EGFR: variants seen among roughly 807,000 people sequenced by gnomAD.
The protein encoded by EGFR is avian erythroblastic leukemia viral (v-erb-b) oncogene homolog.
A neutral mutation model predicts 143.0 loss-of-function variants in EGFR; 58 were observed. The ratio of observed to expected loss-of-function variants is 0.41; its 90% CI spans 0.33 to 0.50. The LOEUF (loss-of-function observed/expected upper bound fraction) is 0.50. EGFR is among the 20% of genes least tolerant of loss of function. The pLI, the probability that EGFR is intolerant of heterozygous loss-of-function variation, is 0.39. For synonymous variants in EGFR, 613 were observed against 594.4 expected, an observed-to-expected ratio of 1.03 and a Z score of -0.45; for missense variants, 1,307 against 1,579.0, an observed-to-expected ratio of 0.83 and a Z score of 2.92.
chr7:55,092,421 G>A (rs1227707313), intron 1 of EGFR, among the ~76,000 whole-genome samples: 2 of 152,148 alleles, frequency 1.3e-5, no homozygotes, highest in African/African-American at 2.4e-5. Flanking sequence ...CACTTAAGTG[G>A]CCACATTCAG....
chr7:55,165,397 G>C lies in EGFR; in HGVS notation c.1840G>C (p.Gly614Arg), dbSNP rs779076899. Residue 614 changes from glycine (G) to arginine (R), a missense_variant, in exon 15 of 28, where the codon GGC (glycine) becomes CGC (arginine). Transcript: ENST00000275493. ...NTLVWKYADA[G>R]HVCHLCHPNC... ...CCTGGTCTGGAAGTACGCAGACGCC[G>C]GCCATGTGTGCCACCTGTGCCATCC... is the stretch of plus-strand genomic sequence containing the variant. 1.2e-6 allele frequency: 2 copies of C among 1,613,990 alleles called. No individual in the cohort carries two copies. Among genetic ancestry groups the C allele is most frequent in the Non-Finnish European group, 1.7e-6 (2 of 1,180,000 alleles).
intron 1 of EGFR, among the ~76,000 whole-genome samples, chr7:55,092,290 A>G (rs6972246): frequency 0.88 from 134,631 of 152,196 alleles, 59,719 homozygotes; most frequent in East Asian, 0.97. Flanking sequence ...TGTATTTGAG[A>G]AGCCCAGGAG....
At chr7:55,096,297 C>G (rs746363581) in intron 1 of EGFR, among the ~76,000 whole-genome samples, 5 of 152,170 alleles carry the variant, frequency 3.3e-5, no homozygotes, top group Admixed American at 2.0e-4. Flanking sequence ...TTTTAATTCT[C>G]CGGTTGTGTT....
intron 1 of EGFR, among the ~76,000 whole-genome samples, chr7:55,087,837 G>A (rs1233552318): frequency 6.6e-6 from 1 of 152,146 alleles, no homozygotes; most frequent in Non-Finnish European, 1.5e-5. Context: ...CAGGAGCAAT[G>A]GCCTTCCCAC....
intron 1 of EGFR, among the ~76,000 whole-genome samples, chr7:55,063,325 T>G (rs981488633): frequency 2.0e-5 from 3 of 152,118 alleles, no homozygotes; most frequent in Admixed American, 2.0e-4. Context: ...GTGAAGTCAT[T>G]TAGGTTCAGG....
At chr7:55,160,381 T>G in intron 12 of EGFR, 43 bp downstream of exon 12, 2 of 1,590,510 alleles carry the variant, frequency 1.3e-6, no homozygotes, top group Non-Finnish European at 1.7e-6. Flanking sequence ...TTGGTTCTAA[T>G]GGGTCCTTTA....
chr7:55,202,679 G>C (rs767323943), intron 27 of EGFR, 54 bp downstream of exon 27: 2 of 1,515,456 alleles, frequency 1.3e-6, no homozygotes, highest in Non-Finnish European at 1.8e-6. Flanking sequence ...GACCCACTCA[G>C]CAGCAGCCAG....
intron 1 of EGFR, among the ~76,000 whole-genome samples, chr7:55,061,322 A>C (rs1789151952): frequency 6.6e-6 from 1 of 152,170 alleles, no homozygotes; most frequent in African/African-American, 2.4e-5. Context: ...GAAGGAAAGC[A>C]ATTGTCCAAA....
intron 1 of EGFR, among the ~76,000 whole-genome samples, chr7:55,046,655 T>C (rs1225508898): frequency 2.0e-5 from 3 of 152,244 alleles, no homozygotes; most frequent in African/African-American, 7.2e-5. Flanking sequence ...GCACTACGCT[T>C]CTCGTACACA....
At chr7:55,114,131 T>C (rs2128909413) in intron 1 of EGFR, among the ~76,000 whole-genome samples, 1 of 152,372 alleles carries the variant, frequency 6.6e-6, no homozygotes, top group South Asian at 2.1e-4. Flanking sequence ...CATGTTATAG[T>C]AAATAAAAGG....
rs772169130 is a variant in EGFR at position 55,205,934 on chromosome 7, A to G, written c.*317A>G. On this transcript the variant is annotated 3_prime_UTR_variant, in exon 28 of 28. Coordinates refer to ENST00000275493, the MANE Select transcript of EGFR (RefSeq NM_005228.5). ...AAAGTATATGTGAGGATTTTTATTG[A>G]TTGGGGATCTTGGAGTTTTTCATTG... The G allele has an allele frequency of 8.0e-5, 35 of 435,860 alleles. No homozygotes were observed. The highest frequency in any genetic ancestry group is 1.2e-4 in the Non-Finnish European group (29 of 239,428). 27.0% of individuals were successfully genotyped at this position (435,860 alleles called of 1,614,324 possible).
chr7:55,089,931 T>C (rs951764877), intron 1 of EGFR, among the ~76,000 whole-genome samples: 6 of 149,304 alleles, frequency 4.0e-5, no homozygotes, highest in African/African-American at 1.5e-4. Flanking sequence ...TGAGCCTAGG[T>C]GATGCTACTT....
At chr7:55,079,510 T>C (rs933338934) in intron 1 of EGFR, among the ~76,000 whole-genome samples, 4 of 152,216 alleles carry the variant, frequency 2.6e-5, no homozygotes, top group Non-Finnish European at 5.9e-5. Context: ...ACTGGAGTGA[T>C]GGTTGAGACA....
At chr7:55,023,522 G>A (rs562209546) in intron 1 of EGFR, among the ~76,000 whole-genome samples, 2 of 152,040 alleles carry the variant, frequency 1.3e-5, no homozygotes, top group African/African-American at 4.8e-5. Context: ...GTGGTGGCAG[G>A]TGCCTGTAAT....
chr7:55,167,698 A>G (rs1786134370), intron 15 of EGFR, among the ~76,000 whole-genome samples: 1 of 149,822 alleles, frequency 6.7e-6, no homozygotes, highest in Non-Finnish European at 1.5e-5. Flanking sequence ...GGTGGTGGCG[A>G]TGATGGTGGT....
At position 55,173,064 on chromosome 7, in the gene EGFR, C is replaced by G. The variant is rs2128952559; in HGVS notation, c.2001C>G (p.Phe667Leu). The change falls in exon 17 of 28, where the codon TTC (phenylalanine) becomes TTG (leucine). Residue 667 changes from phenylalanine to leucine, a missense_variant. Phe to Leu is a conservative substitution (Grantham distance 22). Coordinates refer to ENST00000275493, the MANE Select transcript of EGFR (RefSeq NM_005228.5). Reference protein sequence around the residue: ...LLVVALGIGLFMRRRHIVRKR... With the variant: ...LLVVALGIGLLMRRRHIVRKR... ...TGGTGGCCCTGGGGATCGGCCTCTT[C>G]ATGCGAAGGCGCCACATCGTTCGGA... 6.2e-7 allele frequency: 1 copy of G among 1,613,630 alleles called. No homozygotes were observed. The highest frequency in any genetic ancestry group is 8.5e-7 in the Non-Finnish European group (1 of 1,180,040).
At chr7:55,051,683 A>G (rs928766940) in intron 1 of EGFR, among the ~76,000 whole-genome samples, 4 of 152,184 alleles carry the variant, frequency 2.6e-5, no homozygotes, top group Admixed American at 6.5e-5. Flanking sequence ...TAGGGTACCA[A>G]CCTTTAAAGA....
intron 13 of EGFR, among the ~76,000 whole-genome samples, chr7:55,162,375 G>T (rs1023849624): frequency 1.3e-5 from 2 of 152,366 alleles, no homozygotes; most frequent in Non-Finnish European, 1.5e-5. Context: ...TACTCTCTGG[G>T]CATGGACCAC....
chr7:55,091,389 G>A (rs771324970), intron 1 of EGFR, among the ~76,000 whole-genome samples: 1 of 152,192 alleles, frequency 6.6e-6, no homozygotes, highest in Non-Finnish European at 1.5e-5. Flanking sequence ...TGAAAGATGT[G>A]TAAGTCAAAG....
Sources: gnomAD v4.1 joint callset for allele counts (sites outside exome capture counted in the v4.1 genomes callset) on GRCh38, gnomAD v4.1.1 for gene constraint, MANE v1.5 for transcripts, NCBI Gene and HGNC (gene_info 2026-07-23, HGNC 2026-07-21) for gene names.